The following CREBBP variants were observed in gnomAD, a reference collection of about 807,000 sequenced individuals.
The protein encoded by CREBBP is CREB-binding protein.
Under a neutral mutation model 265.0 loss-of-function variants are expected in CREBBP, and 19 were observed. That is an observed-to-expected ratio of 0.07 (90% CI 0.05 to 0.11). CREBBP has a LOEUF of 0.11. Among genes scored for constraint, CREBBP ranks in the 10% least tolerant of loss-of-function variants. The pLI, the probability that CREBBP is intolerant of heterozygous loss-of-function variation, is 1.00. For synonymous variants in CREBBP, 1,457 were observed against 1,223.7 expected, an observed-to-expected ratio of 1.19 and a Z score of -3.98; for missense variants, 2,525 against 3,219.0, an observed-to-expected ratio of 0.78 and a Z score of 5.22.
At position 3,839,385 on chromosome 16, in the gene CREBBP, A is replaced by G. The variant is rs576286354; in HGVS notation, c.798+10912T>C. Among the ~76,000 whole-genome samples, 4 of 152,288 alleles carry G rather than the reference A, an allele frequency of 2.6e-5. No homozygotes were observed. The East Asian group carries it at 5.8e-4, about 22-fold the overall frequency. On this transcript the variant is annotated intron_variant, in intron 2 of 30. Transcript: ENST00000262367. ...ATCTCATTAAATTAAAAAGTTTAAA[A>G]AAGAAATTCATAAGGCTGGGTGAGG...
chr16:3,791,524 C>G (rs967890330), intron 5 of CREBBP, among the ~76,000 whole-genome samples: 9 of 152,314 alleles, frequency 5.9e-5, no homozygotes, highest in African/African-American at 1.4e-4. Flanking sequence ...CCCAGACTGA[C>G]TGACAGAGCC....
chr16:3,765,443 A>G (rs1378615544), intron 16 of CREBBP, among the ~76,000 whole-genome samples: 1 of 152,228 alleles, frequency 6.6e-6, no homozygotes, highest in Non-Finnish European at 1.5e-5. Context: ...GAGCACATTA[A>G]AACTTTCAGG....
intron 3 of CREBBP, among the ~76,000 whole-genome samples, chr16:3,810,177 T>C (rs575316996): frequency 5.5e-4 from 84 of 152,286 alleles, no homozygotes; most frequent in African/African-American, 2.0e-3. Flanking sequence ...GGACGTAATA[T>C]GCATCTCATC....
chr16:3,867,080 T>G (rs996585818), intron 1 of CREBBP, among the ~76,000 whole-genome samples: 1 of 152,226 alleles, frequency 6.6e-6, no homozygotes, highest in Non-Finnish European at 1.5e-5. Context: ...CTTTATCTGC[T>G]TGGTGTTGAA....
At chr16:3,865,600 G>A (rs1214294958) in intron 1 of CREBBP, among the ~76,000 whole-genome samples, 1 of 152,096 alleles carries the variant, frequency 6.6e-6, no homozygotes, top group African/African-American at 2.4e-5. Context: ...AGTTTTCTGA[G>A]CCATGTGAAT....
At chr16:3,746,969 A>C (rs1416258953) in intron 21 of CREBBP, among the ~76,000 whole-genome samples, 1 of 152,018 alleles carries the variant, frequency 6.6e-6, no homozygotes, top group African/African-American at 2.4e-5. Context: ...AAATCCAAAC[A>C]AACAAAACAC....
chr16:3,791,020 C>T (rs1212734372), intron 5 of CREBBP, among the ~76,000 whole-genome samples: 1 of 152,096 alleles, frequency 6.6e-6, no homozygotes, highest in Non-Finnish European at 1.5e-5. Context: ...ACGTAATACA[C>T]AAAACAGGGG....
At chr16:3,842,838 C>T (rs543606718) in intron 2 of CREBBP, among the ~76,000 whole-genome samples, 22 of 151,668 alleles carry the variant, frequency 1.5e-4, no homozygotes, top group African/African-American at 4.1e-4. Context: ...TGGTGGCGGG[C>T]GCCTGTAATC....
chr16:3,740,716 TAA>T, intron 23 of CREBBP, 167 bp from the exon 24 acceptor site: 1 of 855,850 alleles, frequency 1.2e-6, no homozygotes, highest in Non-Finnish European at 1.9e-6. Flanking sequence ...GAGTGTTATA[TAA>T]AGGAAAGGTG....
intron 19 of CREBBP, among the ~76,000 whole-genome samples, chr16:3,753,208 A>G (rs2052514163): frequency 6.6e-6 from 1 of 152,226 alleles, no homozygotes; most frequent in Admixed American, 6.5e-5. Context: ...TCACACGGCT[A>G]CAGAAGACTG....
At chr16:3,838,682 T>C (rs189580839) in intron 2 of CREBBP, among the ~76,000 whole-genome samples, 1 of 152,344 alleles carries the variant, frequency 6.6e-6, no homozygotes, top group Admixed American at 6.5e-5. Flanking sequence ...TTTTCTTTTC[T>C]AGACATTTCT....
At chr16:3,737,396 C>T (rs532168328) in intron 26 of CREBBP, among the ~76,000 whole-genome samples, 5 of 151,952 alleles carry the variant, frequency 3.3e-5, no homozygotes, top group Non-Finnish European at 5.9e-5. Flanking sequence ...GATTAGTGGT[C>T]GCCTGGGGCA....
At chr16:3,844,147 CAAAAAAAAAA>C (rs545907683) in intron 2 of CREBBP, among the ~76,000 whole-genome samples, 3 of 19,714 alleles carry the variant, frequency 1.5e-4, no homozygotes, top group East Asian at 1.5e-3. Context: ...GACTCCGTCT[CAAAAAAAAAA>C]AAAAAAAAAA....
At chr16:3,848,513 T>G (rs1597048461) in intron 2 of CREBBP, among the ~76,000 whole-genome samples, 2 of 152,196 alleles carry the variant, frequency 1.3e-5, no homozygotes, top group East Asian at 3.8e-4. Context: ...TGATGAAATG[T>G]GTTTCAATAT....
At chr16:3,829,145 TA>T (rs1477330280) in intron 2 of CREBBP, among the ~76,000 whole-genome samples, 1 of 152,190 alleles carries the variant, frequency 6.6e-6, no homozygotes, top group Non-Finnish European at 1.5e-5. Context: ...CTGTCTATGG[TA>T]ATTTGTATAA....
chr16:3,874,728 A>C (rs2055365661), intron 1 of CREBBP, among the ~76,000 whole-genome samples: 3 of 152,190 alleles, frequency 2.0e-5, no homozygotes, highest in Non-Finnish European at 4.4e-5. Context: ...AGGCTCTGGG[A>C]AAGTCTGCAG....
At position 3,728,549 on chromosome 16, in the gene CREBBP, G is replaced by A. The variant is rs778576319; in HGVS notation, c.6498C>T (p.Pro2166=). The change falls in exon 31 of 31, where the codon CCC becomes CCT. Residue 2166 remains proline, a synonymous_variant. Coordinates refer to ENST00000262367, the MANE Select transcript of CREBBP (RefSeq NM_004380.3). The surrounding 1 kb of genome is among the most constrained non-coding windows in gnomAD (Gnocchi z 8.7). ...PQQQAMGGLN[P]QGQALNIMNP... ...TCATGATGTTCAAGGCCTGGCCCTG[G>A]GGGTTCAGGCCTCCCATCGCCTGCT... is the stretch of plus-strand genomic sequence containing the variant. 1 of 1,614,066 alleles carries A rather than the reference G, an allele frequency of 6.2e-7. No homozygotes were observed. The highest frequency in any genetic ancestry group is 1.1e-5 in the South Asian group (1 of 91,090).
chr16:3,862,046 C>A (rs1393158622), intron 1 of CREBBP, among the ~76,000 whole-genome samples: 1 of 152,144 alleles, frequency 6.6e-6, no homozygotes, highest in Non-Finnish European at 1.5e-5. Context: ...CGGTGCAGGA[C>A]CGGCTGGGTT....
chr16:3,817,527 T>C (rs967772880), intron 2 of CREBBP, among the ~76,000 whole-genome samples: 10 of 152,066 alleles, frequency 6.6e-5, no homozygotes, highest in Non-Finnish European at 1.3e-4. Flanking sequence ...CGTAAAAAAG[T>C]TAGTAAATGG....
Sources: allele counts gnomAD v4.1 joint callset (sites outside exome capture counted in the v4.1 genomes callset), GRCh38; gene constraint gnomAD v4.1.1; non-coding constraint Gnocchi (gnomAD v3.1); transcripts MANE v1.5; gene names NCBI Gene and HGNC (gene_info 2026-07-23, HGNC 2026-07-21).